COL24A1: variants seen among roughly 807,000 people sequenced by gnomAD.
COL24A1 encodes the protein collagen alpha-1(XXIV) chain.
A neutral mutation model predicts 253.9 loss-of-function variants in COL24A1; 224 were observed. The observed-to-expected ratio is 0.88, with a 90% CI of 0.79 to 0.99. The LOEUF (loss-of-function observed/expected upper bound fraction) is 0.99. Among genes scored for constraint, COL24A1 ranks in the 50% least tolerant of loss-of-function variants. COL24A1 has a pLI of 0.00. For missense variants in COL24A1, 2,131 were observed against 2,068.5 expected (o/e 1.03, Z -0.59); for synonymous variants, 685 against 673.7 (o/e 1.02, Z -0.26).
chr1:86,142,522 CAA>C (rs554778074), intron 2 of COL24A1, among the ~76,000 whole-genome samples: 1 of 115,468 alleles, frequency 8.7e-6, no homozygotes. Context: ...GACACTGCCT[CAA>C]AAAAAAAAAC....
At chr1:85,995,258 T>C (rs1207357254) in intron 19 of COL24A1, among the ~76,000 whole-genome samples, 1 of 152,034 alleles carries the variant, frequency 6.6e-6, no homozygotes, top group East Asian at 1.9e-4. Context: ...TAAAAAAATT[T>C]TTTTTTTTTT....
At chr1:85,754,635 A>G (rs962745931) in intron 55 of COL24A1, among the ~76,000 whole-genome samples, 3 of 151,928 alleles carry the variant, frequency 2.0e-5, no homozygotes, top group African/African-American at 4.8e-5. Context: ...TAAATTATAG[A>G]AAAAAGAACC....
At chr1:86,048,559 C>T (rs892631612) in intron 11 of COL24A1, among the ~76,000 whole-genome samples, 3 of 150,912 alleles carry the variant, frequency 2.0e-5, no homozygotes, top group African/African-American at 4.9e-5. Flanking sequence ...GGTGCAATCT[C>T]GGCTCACTGC....
At position 85,868,942 on chromosome 1, in the gene COL24A1, C is replaced by T. The variant is rs1223257931; in HGVS notation, c.3139-107G>A. On this transcript the variant is annotated intron_variant, in intron 35 of 59. Transcript: ENST00000370571. ...ATGGAAAATAGCAAATTTGTGTTCA[C>T]TTATTTCTACTACTTTATTTCTAAA... 4 of 645,142 alleles carry T rather than the reference C, an allele frequency of 6.2e-6. No individual in the cohort carries two copies. In the South Asian group the frequency reaches 7.4e-5, roughly 12 times the overall value. The allele number at this position is 645,142 out of a possible 1,614,324, so 40.0% of individuals were successfully genotyped here. A position where few individuals can be genotyped will look rare whatever the true frequency, so the allele number is the denominator to read the frequency against.
At position 86,156,575 on chromosome 1, in the gene COL24A1, T is replaced by G; in HGVS notation, c.-179A>C. On this transcript the variant is annotated 5_prime_UTR_variant, in exon 1 of 60. Coordinates refer to ENST00000370571, the MANE Select transcript of COL24A1 (RefSeq NM_152890.7). Reference sequence around the variant, plus strand: ...GGTGAAGTCGGGAGGAGGTAGGAAATAGCACCCGAAGGGGAGGACAGGCTT... The same window carrying G: ...GGTGAAGTCGGGAGGAGGTAGGAAAGAGCACCCGAAGGGGAGGACAGGCTT... The G allele has an allele frequency of 6.6e-6, 3 of 456,374 alleles. No individual in the cohort carries two copies. Among genetic ancestry groups the G allele is most frequent in the Non-Finnish European group, 1.1e-5 (3 of 264,452 alleles). The allele number at this position is 456,374 out of a possible 1,614,324, so 28.3% of individuals were successfully genotyped here. A position where few individuals can be genotyped will look rare whatever the true frequency, so the allele number is the denominator to read the frequency against.
intron 14 of COL24A1, among the ~76,000 whole-genome samples, chr1:86,025,976 G>T (rs891914336): frequency 6.6e-6 from 1 of 151,994 alleles, no homozygotes; most frequent in African/African-American, 2.4e-5. Flanking sequence ...CCTTTTCAGT[G>T]GTTTTACATT....
rs111241860 is a variant in COL24A1, at chr1:86,141,377, G to A, written c.121+4742C>T. On this transcript the variant is annotated intron_variant, in intron 2 of 59. Transcript: ENST00000370571. Reference sequence around the variant, plus strand: ...AAGGAGACCAAAGGTTAATGACATAGAAGCATTGAATCAATCGTAGAGGAA... The same window carrying A: ...AAGGAGACCAAAGGTTAATGACATAAAAGCATTGAATCAATCGTAGAGGAA... Among the ~76,000 whole-genome samples the A allele has an allele frequency of 2.5e-3, 380 of 152,264 alleles. 2 individuals are homozygous for A. Among genetic ancestry groups the A allele is most frequent in the South Asian group, 0.023 (112 of 4,818 alleles).
intron 1 of COL24A1, among the ~76,000 whole-genome samples, chr1:86,150,125 A>C (rs6576805): frequency 0.3 from 44,991 of 152,072 alleles, 7,481 homozygotes; most frequent in East Asian, 0.55. Flanking sequence ...GAAATGCCCT[A>C]CCAGTCTCCA....
chr1:85,888,512 T>C (rs1682768027), intron 32 of COL24A1, among the ~76,000 whole-genome samples: 1 of 152,078 alleles, frequency 6.6e-6, no homozygotes, highest in Admixed American at 6.6e-5. Flanking sequence ...TTTCAAGCAG[T>C]GTACAGACTT....
In COL24A1 at chr1:85,868,762, A is replaced by G; in HGVS notation, c.3192+20T>C. ...TTACAAAACATCTATTTTATATATA[A>G]TCTTAAAAGTATAATTTACCTTTAA... On this transcript the variant is annotated intron_variant, in intron 36 of 59. Transcript: ENST00000370571. 1 of 1,491,476 alleles carries G rather than the reference A, an allele frequency of 6.7e-7. No individual in the cohort carries two copies. The highest frequency in any genetic ancestry group is 9.1e-7 in the Non-Finnish European group (1 of 1,099,044). 92.4% of individuals were successfully genotyped at this position (1,491,476 alleles called of 1,614,324 possible). A position where few individuals can be genotyped will look rare whatever the true frequency, so the allele number is the denominator to read the frequency against.
intron 12 of COL24A1, among the ~76,000 whole-genome samples, chr1:86,041,525 T>C (rs1326646604): frequency 1.3e-5 from 2 of 152,124 alleles, no homozygotes; most frequent in East Asian, 3.9e-4. Flanking sequence ...AAAGCAACTA[T>C]AGAATTTCCT....
intron 2 of COL24A1, among the ~76,000 whole-genome samples, chr1:86,136,962 C>T (rs1650350234): frequency 6.7e-6 from 1 of 149,570 alleles, no homozygotes; most frequent in Middle Eastern, 3.4e-3. Context: ...GTAGAAGGCA[C>T]ATATGACTGG....
chr1:85,951,622 C>T (rs1231008476), intron 24 of COL24A1, among the ~76,000 whole-genome samples: 1 of 152,066 alleles, frequency 6.6e-6, no homozygotes, highest in Non-Finnish European at 1.5e-5. Context: ...AAATTTTTTA[C>T]AATTTATATT....
intron 5 of COL24A1, among the ~76,000 whole-genome samples, chr1:86,103,082 A>G (rs1186300245): frequency 1.3e-5 from 2 of 152,180 alleles, no homozygotes; most frequent in Admixed American, 1.3e-4. Context: ...ATGCATATAT[A>G]TTTAGAAAAG....
intron 45 of COL24A1, 90 bp from the exon 46 acceptor site, chr1:85,818,177 A>G: frequency 1.1e-6 from 1 of 930,986 alleles, no homozygotes; most frequent in Non-Finnish European, 1.7e-6. Context: ...TGGACGCTGC[A>G]GCAAGAACTA....
At chr1:86,023,149 T>C in intron 14 of COL24A1, 142 bp from the exon 15 acceptor site, 1 of 669,580 alleles carries the variant, frequency 1.5e-6, no homozygotes, top group Non-Finnish European at 2.6e-6. Context: ...ACAACTTATT[T>C]TTCTCTCCAC....
intron 3 of COL24A1, among the ~76,000 whole-genome samples, chr1:86,123,284 T>A (rs1423379773): frequency 6.6e-6 from 1 of 151,960 alleles, no homozygotes; most frequent in African/African-American, 2.4e-5. Flanking sequence ...CCACAAGATC[T>A]TATTCTGAAT....
At chr1:85,849,239 T>C in intron 38 of COL24A1, 114 bp downstream of exon 38, 2 of 575,326 alleles carry the variant, frequency 3.5e-6, no homozygotes, top group Non-Finnish European at 6.0e-6. Flanking sequence ...AAGCAACATT[T>C]ATAATTCTTT....
chr1:86,094,040 G>A (rs1311744842), intron 5 of COL24A1, among the ~76,000 whole-genome samples: 1 of 152,132 alleles, frequency 6.6e-6, no homozygotes, highest in African/African-American at 2.4e-5. Flanking sequence ...CACTGTTGGT[G>A]GGAGTATAAA....
Sources: allele counts gnomAD v4.1 joint callset (sites outside exome capture counted in the v4.1 genomes callset), GRCh38; gene constraint gnomAD v4.1.1; transcripts MANE v1.5; gene names NCBI Gene and HGNC (gene_info 2026-07-23, HGNC 2026-07-21).